DCHS1: variants seen among roughly 807,000 people sequenced by gnomAD.
The protein encoded by DCHS1 is dachsous cadherin-related 1, also known as protocadherin-16.
A neutral mutation model predicts 213.9 loss-of-function variants in DCHS1; 78 were observed. The observed-to-expected ratio is 0.36, with a 90% CI of 0.30 to 0.44. The LOEUF (loss-of-function observed/expected upper bound fraction) is 0.44, where lower values mean the gene tolerates loss of function less well. Among genes scored for constraint, DCHS1 ranks in the 20% least tolerant of loss-of-function variants. DCHS1 has a pLI of 1.00. For missense variants in DCHS1, 3,946 were observed against 4,395.9 expected (o/e 0.90, Z 2.89); for synonymous variants, 1,828 against 1,873.7 (o/e 0.98, Z 0.63).
chr11:6,625,621 G>A lies in DCHS1; in HGVS notation c.6838C>T (p.Pro2280Ser). 6.2e-7 allele frequency: 1 copy of A among 1,613,652 alleles called. No homozygotes were observed. Among genetic ancestry groups the A allele is most frequent in the African/African-American group, 1.3e-5 (1 of 75,020 alleles). The change falls in exon 18 of 21, where the codon CCC becomes TCC. Residue 2280 changes from proline (P) to serine (S), a missense_variant. By Grantham distance (74) the Pro-to-Ser change is moderately conservative (BLOSUM62 -1). This residue lies in a region of DCHS1 where 3,384 missense variants were observed against 3,780.1 expected (regional missense o/e 0.90). Transcript: ENST00000299441. This position sits in a 1 kb window ranked among gnomAD's most constrained non-coding sequence, Gnocchi z 5.3. ...CCTTCTGACACTCGGAGCTCCCAGG[G>A]TTGGGGGATGGTGGGGCGATTGTCA... ...TNDNRPTIPQ[P>S]WELRVSEDAL...
chr11:6,635,535 T>C (rs1855974219), intron 2 of DCHS1, among the ~76,000 whole-genome samples: 1 of 152,192 alleles, frequency 6.6e-6, no homozygotes. Context: ...GAGAGAAAGC[T>C]GGCCAAGGAC....
chr11:6,641,731 G>C lies in DCHS1; in HGVS notation c.-118C>G. 3.5e-6 allele frequency: 5 copies of C among 1,440,690 alleles called. No individual in the cohort carries two copies. The highest frequency in any genetic ancestry group is 4.5e-6 in the Non-Finnish European group (5 of 1,099,558). 89.2% of individuals were successfully genotyped at this position (1,440,690 alleles called of 1,614,324 possible). A position where few individuals can be genotyped will look rare whatever the true frequency, so the allele number is the denominator to read the frequency against. On this transcript the variant is annotated splice_region_variant and 5_prime_UTR_variant, in exon 2 of 21. Coordinates refer to ENST00000299441, the MANE Select transcript of DCHS1 (RefSeq NM_003737.4). This position sits in a 1 kb window ranked among gnomAD's most constrained non-coding sequence, Gnocchi z 7.1. ...GCCCTGGCTCCAGCTCAGGCTCCCT[G>C]ACCTGGGAGAAAACAGAAGGAAACG...
rs1489975367 is a variant in DCHS1, at chr11:6,631,220, G to C, written c.3773-10C>G. The C allele has an allele frequency of 2.0e-5, 32 of 1,612,176 alleles. No homozygotes were observed. The highest frequency in any genetic ancestry group is 2.6e-5 in the Non-Finnish European group (31 of 1,178,480). ...AGCTCTGAGCCAGGACCTGGGGACA[G>C]GCAGAGGAAGATGAGGGCTTGGGGC... On this transcript the variant is annotated splice_polypyrimidine_tract_variant and intron_variant, in intron 8 of 20. Transcript: ENST00000299441.
chr11:6,635,404 C>T (rs1855973008), intron 2 of DCHS1, among the ~76,000 whole-genome samples: 1 of 152,202 alleles, frequency 6.6e-6, no homozygotes, highest in South Asian at 2.1e-4. Context: ...AGTGGGTTAG[C>T]TGGTGCTGAC....
Position 6,631,677 on chromosome 11 carries a change from T to C in DCHS1, c.3614A>G (p.Asn1205Ser), listed in dbSNP as rs1478721633. 3 of 1,608,932 alleles carry C rather than the reference T, an allele frequency of 1.9e-6. No homozygotes were observed. The highest frequency in any genetic ancestry group is 1.7e-6 in the Non-Finnish European group (2 of 1,177,434). Residue 1205 changes from asparagine (N) to serine (S), a missense_variant, in exon 7 of 21, where the codon AAC (asparagine) becomes AGC (serine). Physicochemically the swap from Asn to Ser is conservative, Grantham distance 46. Around this residue, in one of 3 missense-constraint regions of DCHS1, gnomAD observed 3,384 missense variants for 3,780.1 expected, o/e 0.90. Coordinates refer to ENST00000299441, the MANE Select transcript of DCHS1 (RefSeq NM_003737.4). ...GTVHVAVLDL[N>S]DNSPTFLQAS... ...CTGCAGGAACGTGGGGCTGTTGTCGTTGAGGTCAAGCACTGCAACATGCAC... is the reference window on the plus strand; with the variant it reads ...CTGCAGGAACGTGGGGCTGTTGTCGCTGAGGTCAAGCACTGCAACATGCAC...
intron 1 of DCHS1, among the ~76,000 whole-genome samples, chr11:6,653,881 C>T (rs974804431): frequency 1.3e-5 from 2 of 151,916 alleles, no homozygotes; most frequent in Middle Eastern, 3.2e-3. Flanking sequence ...GTAATGGGAG[C>T]GAGAACATCT....
At chr11:6,646,283 C>T (rs577000828) in intron 1 of DCHS1, among the ~76,000 whole-genome samples, 2 of 152,294 alleles carry the variant, frequency 1.3e-5, no homozygotes, top group East Asian at 3.9e-4. Context: ...GTCAGCTCTG[C>T]GGCTGCAGCT....
In DCHS1 at chr11:6,626,980, A is replaced by G. The variant is rs780798365; in HGVS notation, c.6059T>C (p.Ile2020Thr). ...GTTVDSYTGE[I>T]RVARSPVALG... Reference sequence around the variant, plus strand: ...AGCTACAGGAGAGCGGGCCACGCGGATTTCACCAGTGTAAGAGTCCACAGT... The same window carrying G: ...AGCTACAGGAGAGCGGGCCACGCGGGTTTCACCAGTGTAAGAGTCCACAGT... Residue 2020 changes from isoleucine (I) to threonine (T), a missense_variant, in exon 14 of 21, where the codon ATC becomes ACC. Physicochemically the swap from Ile to Thr is moderately conservative, Grantham distance 89. Coordinates refer to ENST00000299441, the MANE Select transcript of DCHS1 (RefSeq NM_003737.4). This position sits in a 1 kb window ranked among gnomAD's most constrained non-coding sequence, Gnocchi z 5.2. 2 of 1,613,580 alleles carry G rather than the reference A, an allele frequency of 1.2e-6. No individual in the cohort carries two copies. The highest frequency in any genetic ancestry group is 2.7e-5 in the African/African-American group (2 of 74,898).
chr11:6,629,217 T>C lies in DCHS1; in HGVS notation c.5161+235A>G, dbSNP rs555388967. On this transcript the variant is annotated intron_variant, in intron 12 of 20. Transcript: ENST00000299441. ...GTATCTGAGGGAGGCCTGGAGGGCA[T>C]AGCTGTGACATTATGCATTTTAGAA... Among the ~76,000 whole-genome samples, 10 of 152,324 alleles carry C rather than the reference T, an allele frequency of 6.6e-5. No individual in the cohort carries two copies. In the South Asian group the frequency reaches 1.9e-3, roughly 28 times the overall value.
At position 6,622,018 on chromosome 11, in the gene DCHS1, G is replaced by T; in HGVS notation, c.9658C>A (p.Pro3220Thr). 1.9e-6 allele frequency: 3 copies of T among 1,613,432 alleles called. No individual in the cohort carries two copies. The highest frequency in any genetic ancestry group is 2.5e-6 in the Non-Finnish European group (3 of 1,179,814). ...GCCCGGGCTGCAGCTGTGTTTGCTGGCTTGGGGGGCACAGACTTGGCTCCT... is the reference window on the plus strand; with the variant it reads ...GCCCGGGCTGCAGCTGTGTTTGCTGTCTTGGGGGGCACAGACTTGGCTCCT... The part of the protein sequence containing the change: ...HPGAKSVPPK[P>T]ANTAAARAIF... Residue 3220 changes from proline (P) to threonine (T), a missense_variant, in exon 21 of 21, where the codon CCA (proline) becomes ACA (threonine). Pro to Thr is a conservative substitution (Grantham distance 38). This residue lies in a region of DCHS1 where 554 missense variants were observed against 590.2 expected (regional missense o/e 0.94). Transcript: ENST00000299441. The surrounding 1 kb of genome is among the most constrained non-coding windows in gnomAD (Gnocchi z 5.4).
chr11:6,624,984 C>A lies in DCHS1; in HGVS notation c.7147-116G>T, dbSNP rs964722599. 4.8e-6 allele frequency: 7 copies of A among 1,472,318 alleles called. No homozygotes were observed. In the East Asian group the frequency reaches 1.7e-4, roughly 36 times the overall value. The allele number at this position is 1,472,318 out of a possible 1,614,324, so 91.2% of individuals were successfully genotyped here. A position where few individuals can be genotyped will look rare whatever the true frequency, so the allele number is the denominator to read the frequency against. ...GCTTGGCGTCTATTCCAACTTGGAGCCCCTACTCCTAAGTATTCGAATGGG... is the reference window on the plus strand; with the variant it reads ...GCTTGGCGTCTATTCCAACTTGGAGACCCTACTCCTAAGTATTCGAATGGG... On this transcript the variant is annotated intron_variant, in intron 19 of 20. Coordinates refer to ENST00000299441, the MANE Select transcript of DCHS1 (RefSeq NM_003737.4).
In DCHS1 at chr11:6,623,382, C is replaced by T; in HGVS notation, c.8294G>A (p.Gly2765Glu). The part of the protein sequence containing the change: ...REAFALNSST[G>E]ELRARVPFDY... ...AAAGGGCACTCGCGCACGCAACTCC[C>T]CTGTTGAGCTGTTCAGTGCAAATGC... Residue 2765 changes from glycine to glutamate, a missense_variant, in exon 21 of 21, where the codon GGG becomes GAG. By Grantham distance (98) the Gly-to-Glu change is moderately conservative (BLOSUM62 -2). Transcript: ENST00000299441. 6.3e-7 allele frequency: 1 copy of T among 1,598,398 alleles called. No homozygotes were observed. Among genetic ancestry groups the T allele is most frequent in the South Asian group, 1.1e-5 (1 of 88,480 alleles).
At position 6,631,034 on chromosome 11, in the gene DCHS1, G is replaced by T. The variant is rs1279983442; in HGVS notation, c.3930+19C>A. 6.3e-7 allele frequency: 1 copy of T among 1,587,578 alleles called. No homozygotes were observed. The highest frequency in any genetic ancestry group is 2.2e-5 in the East Asian group (1 of 44,446). On this transcript the variant is annotated intron_variant, in intron 9 of 20. Transcript: ENST00000299441. ...AGGGGACCTACAGCGGTAGCCAAGG[G>T]GAGGAAGGGCAGCCATACCTGCACC...
chr11:6,637,387 C>A (rs1856000498), intron 2 of DCHS1, among the ~76,000 whole-genome samples: 2 of 152,308 alleles, frequency 1.3e-5, no homozygotes, highest in South Asian at 2.1e-4. Context: ...AATATCCCTT[C>A]TGGGGGGCAA....
At chr11:6,633,348 G>T in intron 5 of DCHS1, 64 bp downstream of exon 5, 1 of 1,467,054 alleles carries the variant, frequency 6.8e-7, no homozygotes, top group Non-Finnish European at 9.2e-7. Context: ...TCTTCGGATG[G>T]TGCTGGAGGG....
chr11:6,640,611 G>A lies in DCHS1; in HGVS notation c.1003C>T (p.Arg335Ter), dbSNP rs1327042234. The A allele has an allele frequency of 3.7e-6, 6 of 1,609,158 alleles. No individual in the cohort carries two copies. The highest frequency in any genetic ancestry group is 1.3e-5 in the African/African-American group (1 of 74,916). ...RRVHELVVQA[R>*]DGGAHPELGS... Reference sequence around the variant, plus strand: ...AGCTCAGGGTGAGCCCCACCATCTCGTGCTTGCACCACCAGTTCATGGACC... The same window carrying A: ...AGCTCAGGGTGAGCCCCACCATCTCATGCTTGCACCACCAGTTCATGGACC... The change falls in exon 2 of 21, where the codon CGA becomes TGA. Residue 335 changes from arginine to a stop codon, truncating the protein, a stop_gained. Coordinates refer to ENST00000299441, the MANE Select transcript of DCHS1 (RefSeq NM_003737.4). LOFTEE classifies it high-confidence loss of function. This position sits in a 1 kb window ranked among gnomAD's most constrained non-coding sequence, Gnocchi z 6.5.
chr11:6,648,465 G>A (rs1435851693), intron 1 of DCHS1, among the ~76,000 whole-genome samples: 7 of 152,220 alleles, frequency 4.6e-5, no homozygotes, highest in Admixed American at 2.6e-4. Context: ...TCTAGTGATC[G>A]TGGAGAAAAT....
At chr11:6,648,965 T>C (rs1398826982) in intron 1 of DCHS1, among the ~76,000 whole-genome samples, 1 of 152,110 alleles carries the variant, frequency 6.6e-6, no homozygotes, top group Non-Finnish European at 1.5e-5. Context: ...ACATTCTAAG[T>C]GTTAGTTTCC....
chr11:6,647,853 C>T (rs1474680813), intron 1 of DCHS1, among the ~76,000 whole-genome samples: 2 of 152,108 alleles, frequency 1.3e-5, no homozygotes, highest in African/African-American at 2.4e-5. Flanking sequence ...GGAAGAGAAT[C>T]TGGAGGAGAG....
Sources: gnomAD v4.1 joint callset for allele counts (sites outside exome capture counted in the v4.1 genomes callset) on GRCh38, gnomAD v4.1.1 for gene constraint, gnomAD v4.1.1 regional missense constraint, Gnocchi (gnomAD v3.1) non-coding constraint, MANE v1.5 for transcripts, NCBI Gene and HGNC (gene_info 2026-07-23, HGNC 2026-07-21) for gene names.